The following FYN variants were observed in gnomAD, a reference collection of about 807,000 sequenced individuals.
The protein encoded by FYN is tyrosine-protein kinase Fyn.
In FYN, 10 loss-of-function variants were observed where a neutral mutation model predicts 70.2. The ratio of observed to expected loss-of-function variants is 0.14; its 90% confidence interval spans 0.09 to 0.24. The LOEUF (loss-of-function observed/expected upper bound fraction) is 0.24. FYN is among the 10% of genes least tolerant of loss of function. The probability of loss-of-function intolerance (pLI) is 1.00; values close to 1 mark genes in which losing one functional copy is unlikely to be tolerated. For missense variants in FYN, 319 were observed against 673.1 expected (o/e 0.47, Z 5.82); for synonymous variants, 236 against 248.6 (o/e 0.95, Z 0.48).
chr6:111,665,142 G>T (rs185381666), intron 13 of FYN, among the ~76,000 whole-genome samples: 10 of 152,238 alleles, frequency 6.6e-5, no homozygotes, highest in Admixed American at 5.9e-4. Flanking sequence ...TTAAATTTCA[G>T]ATTTTTTAGG....
At chr6:111,836,314 T>G (rs1773184174) in intron 2 of FYN, among the ~76,000 whole-genome samples, 1 of 152,222 alleles carries the variant, frequency 6.6e-6, no homozygotes, top group Admixed American at 6.5e-5. Context: ...GAATCTCAGC[T>G]GAGATATGGA....
At chr6:111,862,733 T>G (rs1254612787) in intron 1 of FYN, among the ~76,000 whole-genome samples, 1 of 152,216 alleles carries the variant, frequency 6.6e-6, no homozygotes, top group Non-Finnish European at 1.5e-5. Flanking sequence ...TTTCTCATAT[T>G]GAATTTAACT....
At chr6:111,809,412 A>G (rs1031805158) in intron 2 of FYN, among the ~76,000 whole-genome samples, 17 of 152,348 alleles carry the variant, frequency 1.1e-4, no homozygotes, top group Admixed American at 3.3e-4. Context: ...TTTCATCAGC[A>G]TAAGTGAAGA....
At chr6:111,818,393 G>A (rs1772555288) in intron 2 of FYN, among the ~76,000 whole-genome samples, 1 of 152,148 alleles carries the variant, frequency 6.6e-6, no homozygotes, top group African/African-American at 2.4e-5. Flanking sequence ...ATCTGATCAA[G>A]CTGATTATGG....
chr6:111,737,379 G>A (rs566227811), intron 3 of FYN, among the ~76,000 whole-genome samples: 2 of 152,214 alleles, frequency 1.3e-5, no homozygotes, highest in South Asian at 2.1e-4. Context: ...CTAACCCACC[G>A]GCTATAAATC....
intron 2 of FYN, among the ~76,000 whole-genome samples, chr6:111,829,517 G>T (rs1326744375): frequency 6.6e-6 from 1 of 152,200 alleles, no homozygotes; most frequent in East Asian, 1.9e-4. Flanking sequence ...AGCTCAGATT[G>T]TTAAGCACAG....
At chr6:111,714,670 A>C (rs1275256482) in intron 4 of FYN, among the ~76,000 whole-genome samples, 3 of 152,158 alleles carry the variant, frequency 2.0e-5, no homozygotes, top group Non-Finnish European at 4.4e-5. Context: ...CCTAGACCTG[A>C]AGGGCTTCTT....
At chr6:111,829,536 C>A (rs1288178217) in intron 2 of FYN, among the ~76,000 whole-genome samples, 1 of 152,070 alleles carries the variant, frequency 6.6e-6, no homozygotes, top group Non-Finnish European at 1.5e-5. Flanking sequence ...AGAACAGACA[C>A]CAATAAGCAC....
chr6:111,719,733 C>T (rs1048916908), intron 4 of FYN, 72 bp downstream of exon 4: 7 of 1,540,082 alleles, frequency 4.5e-6, no homozygotes, highest in African/African-American at 1.4e-5. Context: ...TGATGGGAAC[C>T]CAGATGTTCA....
chr6:111,853,135 G>A (rs1038434359), intron 1 of FYN, among the ~76,000 whole-genome samples: 5 of 152,126 alleles, frequency 3.3e-5, no homozygotes, highest in African/African-American at 1.2e-4. Flanking sequence ...TGTTGATGAA[G>A]ACAATAGATT....
intron 2 of FYN, among the ~76,000 whole-genome samples, chr6:111,789,602 G>T (rs1396745876): frequency 6.6e-6 from 1 of 152,196 alleles, no homozygotes. Flanking sequence ...TGAGACTCAT[G>T]AGAATGAAGC....
At chr6:111,832,710 A>T (rs533406709) in intron 2 of FYN, among the ~76,000 whole-genome samples, 8 of 152,124 alleles carry the variant, frequency 5.3e-5, no homozygotes, top group Non-Finnish European at 1.2e-4. Flanking sequence ...TTTTTGGCCA[A>T]AAACAACATT....
At chr6:111,667,623 T>G (rs1356746545) in intron 13 of FYN, among the ~76,000 whole-genome samples, 4 of 152,194 alleles carry the variant, frequency 2.6e-5, no homozygotes, top group Non-Finnish European at 5.9e-5. Flanking sequence ...TAGATGTCAC[T>G]TCTTGACTTC....
intron 2 of FYN, among the ~76,000 whole-genome samples, chr6:111,810,222 A>G (rs1222548503): frequency 6.6e-6 from 1 of 152,190 alleles, no homozygotes; most frequent in African/African-American, 2.4e-5. Flanking sequence ...ATACATCATG[A>G]GGGTAAGGTA....
In FYN at chr6:111,661,596, T is replaced by A; in HGVS notation, c.*143A>T. ...GGACAAGTGTCATTAATGAGGGCCATGGAAGTTCGTCAGCTTCAGAGTCAC... is the reference window on the plus strand; with the variant it reads ...GGACAAGTGTCATTAATGAGGGCCAAGGAAGTTCGTCAGCTTCAGAGTCAC... On this transcript the variant is annotated 3_prime_UTR_variant, in exon 14 of 14. Transcript: ENST00000354650. This position sits in a 1 kb window ranked among gnomAD's most constrained non-coding sequence, Gnocchi z 4.0. 1 of 726,158 alleles carries A rather than the reference T, an allele frequency of 1.4e-6. No individual in the cohort carries two copies. Among genetic ancestry groups the A allele is most frequent in the Non-Finnish European group, 2.3e-6 (1 of 430,770 alleles). The allele number at this position is 726,158 out of a possible 1,614,324, so 45.0% of individuals were successfully genotyped here.
intron 2 of FYN, among the ~76,000 whole-genome samples, chr6:111,795,613 C>T (rs1408884138): frequency 6.6e-6 from 1 of 152,170 alleles, no homozygotes; most frequent in East Asian, 1.9e-4. Context: ...TGGAAGAACA[C>T]TCTACCAGAG....
At position 111,719,957 on chromosome 6, in the gene FYN, G is replaced by A; in HGVS notation, c.95C>T (p.Thr32Ile). 1.2e-6 allele frequency: 2 copies of A among 1,614,196 alleles called. No homozygotes were observed. The highest frequency in any genetic ancestry group is 2.2e-5 in the East Asian group (1 of 44,890). The change falls in exon 4 of 14, where the codon ACA (threonine) becomes ATA (isoleucine). Residue 32 changes from threonine to isoleucine, a missense_variant. This residue lies in a region of FYN where 128 missense variants were observed against 183.9 expected (regional missense o/e 0.70). Coordinates refer to ENST00000354650, the MANE Select transcript of FYN (RefSeq NM_002037.5). ...LNQSSGYRYG[T>I]DPTPQHYPSF... ...GGGGTAGTGCTGAGGGGTGGGGTCT[G>A]TGCCATAGCGGTACCCAGAGCTCTG...
intron 2 of FYN, among the ~76,000 whole-genome samples, chr6:111,799,990 C>T (rs1771933758): frequency 6.6e-6 from 1 of 152,122 alleles, no homozygotes; most frequent in Non-Finnish European, 1.5e-5. Context: ...AGGGTTTATT[C>T]CGAAGGACAC....
intron 3 of FYN, among the ~76,000 whole-genome samples, chr6:111,780,070 C>T (rs914665232): frequency 6.6e-6 from 1 of 152,088 alleles, no homozygotes; most frequent in African/African-American, 2.4e-5. Context: ...CTGAATTGAA[C>T]GTTCTTGGTC....
Sources: gnomAD v4.1 joint callset for allele counts (sites outside exome capture counted in the v4.1 genomes callset) on GRCh38, gnomAD v4.1.1 for gene constraint, gnomAD v4.1.1 regional missense constraint, Gnocchi (gnomAD v3.1) non-coding constraint, MANE v1.5 for transcripts, NCBI Gene and HGNC (gene_info 2026-07-23, HGNC 2026-07-21) for gene names.